Variants in MAP3K20 observed in about 807,000 individuals in gnomAD.
MAP3K20 encodes mitogen-activated protein kinase kinase kinase 20, also known as HCCS-4.
A neutral mutation model predicts 85.7 loss-of-function variants in MAP3K20; 40 were observed. The observed-to-expected ratio is 0.47, with a 90% CI of 0.36 to 0.61. The LOEUF is 0.61. Ranked by LOEUF, MAP3K20 falls within the 20% of genes least tolerant of loss-of-function variation. The probability of loss-of-function intolerance (pLI) is 0.00; values close to 1 mark genes in which losing one functional copy is unlikely to be tolerated. For missense variants in MAP3K20, 817 were observed against 961.7 expected (o/e 0.85, Z 1.99); for synonymous variants, 325 against 327.7 (o/e 0.99, Z 0.09).
intron 2 of MAP3K20, among the ~76,000 whole-genome samples, chr2:173,164,427 A>C (rs1689755226): frequency 1.3e-5 from 2 of 152,036 alleles, no homozygotes. Context: ...AAACTTTTTT[A>C]AGTTCCTTAT....
chr2:173,129,806 T>C (rs900787256), intron 2 of MAP3K20, among the ~76,000 whole-genome samples: 1 of 152,218 alleles, frequency 6.6e-6, no homozygotes, highest in African/African-American at 2.4e-5. Context: ...AATCAGAAAT[T>C]ATAATTGAAG....
intron 3 of MAP3K20, among the ~76,000 whole-genome samples, chr2:173,175,956 A>T (rs1690140440): frequency 6.6e-6 from 1 of 152,174 alleles, no homozygotes. Flanking sequence ...AATCTATTTT[A>T]GTTAATATTT....
intron 11 of MAP3K20, among the ~76,000 whole-genome samples, chr2:173,220,581 C>T (rs1054757324): frequency 2.6e-5 from 4 of 152,130 alleles, no homozygotes; most frequent in Non-Finnish European, 5.9e-5. Flanking sequence ...TAAGTGGAAG[C>T]AAGTGAATTC....
chr2:173,075,720 C>G, upstream of MAP3K20: 1 of 985,270 alleles, frequency 1.0e-6, no homozygotes, highest in Non-Finnish European at 1.2e-6. Context: ...GGATGGTGCC[C>G]CCCGGGCGCA....
At chr2:173,096,617 C>T (rs747619257) in intron 2 of MAP3K20, among the ~76,000 whole-genome samples, 2 of 152,144 alleles carry the variant, frequency 1.3e-5, no homozygotes, top group African/African-American at 2.4e-5. Context: ...GGATTACAGG[C>T]GTGAGCCACT....
chr2:173,265,224 T>C (rs555626342), intron 19 of MAP3K20, among the ~76,000 whole-genome samples: 1 of 152,112 alleles, frequency 6.6e-6, no homozygotes, highest in South Asian at 2.1e-4. Flanking sequence ...GGGGGTGGAG[T>C]AGCTGAGGAA....
intron 2 of MAP3K20, among the ~76,000 whole-genome samples, chr2:173,121,683 G>A (rs1308674608): frequency 2.0e-5 from 3 of 152,068 alleles, no homozygotes; most frequent in Admixed American, 6.5e-5. Context: ...CACCGCGCCC[G>A]GCTGGAGAAC....
At chr2:173,162,710 G>A (rs1169334007) in intron 2 of MAP3K20, among the ~76,000 whole-genome samples, 1 of 151,198 alleles carries the variant, frequency 6.6e-6, no homozygotes, top group East Asian at 1.9e-4. Flanking sequence ...AAAAAAATTG[G>A]TGAGGACCTT....
At chr2:173,226,401 T>TATAA (rs1684389971) in intron 11 of MAP3K20, 7 of 985,466 alleles carry the variant, frequency 7.1e-6, no homozygotes, top group Non-Finnish European at 8.4e-6. Flanking sequence ...ATACCACATA[T>TATAA]ATAACAGAGC....
At chr2:173,155,179 G>A (rs1224182857) in intron 2 of MAP3K20, among the ~76,000 whole-genome samples, 8 of 152,152 alleles carry the variant, frequency 5.3e-5, no homozygotes, top group South Asian at 4.1e-4. Flanking sequence ...AAAGAAAGGC[G>A]TAGGTGTAAG....
At chr2:173,160,690 A>C (rs938013292) in intron 2 of MAP3K20, among the ~76,000 whole-genome samples, 1 of 152,142 alleles carries the variant, frequency 6.6e-6, no homozygotes, top group Admixed American at 6.5e-5. Context: ...CTGTTTTAGG[A>C]GTTTCTAAAT....
intron 1 of MAP3K20, among the ~76,000 whole-genome samples, chr2:173,084,131 C>T (rs1453258414): frequency 6.6e-6 from 1 of 152,100 alleles, no homozygotes; most frequent in Middle Eastern, 3.4e-3. Context: ...CTATGTTGCC[C>T]CAGCTGAGCT....
intron 2 of MAP3K20, 118 bp downstream of exon 2, chr2:173,091,308 C>T (rs1687292267): frequency 2.0e-6 from 2 of 984,508 alleles, no homozygotes; most frequent in African/African-American, 1.6e-5. Context: ...GGGACTGATC[C>T]ACGAGGCCGT....
intron 11 of MAP3K20, chr2:173,223,398 A>ATAT (rs1684304142): frequency 1.1e-6 from 1 of 935,908 alleles, no homozygotes; most frequent in African/African-American, 1.8e-5. Flanking sequence ...AATATATGTA[A>ATAT]AGCACTTTAA....
chr2:173,117,150 A>G (rs1688148264), intron 2 of MAP3K20, among the ~76,000 whole-genome samples: 1 of 152,238 alleles, frequency 6.6e-6, no homozygotes, highest in Non-Finnish European at 1.5e-5. Flanking sequence ...AATAAAAAAG[A>G]ATTGGTATTT....
At position 173,094,474 on chromosome 2, in the gene MAP3K20, C is replaced by A. The variant is rs550460298; in HGVS notation, c.159+3284C>A. ...TCACATTTTGCCAACTTTTGCAATGCGAGCTTTTGATGGCAATTTTTCCAA... is the reference window on the plus strand; with the variant it reads ...TCACATTTTGCCAACTTTTGCAATGAGAGCTTTTGATGGCAATTTTTCCAA... On this transcript the variant is annotated intron_variant, in intron 2 of 19. Coordinates refer to ENST00000375213, the MANE Select transcript of MAP3K20 (RefSeq NM_016653.3). Among the ~76,000 whole-genome samples the A allele has an allele frequency of 6.6e-5, 10 of 152,268 alleles. No individual in the cohort carries two copies. The South Asian group carries it at 1.9e-3, about 28-fold the overall frequency.
intron 5 of MAP3K20, among the ~76,000 whole-genome samples, chr2:173,189,560 G>A (rs1013615695): frequency 6.6e-6 from 1 of 152,072 alleles, no homozygotes; most frequent in Admixed American, 6.5e-5. Flanking sequence ...CTGCTGATTA[G>A]ACACATCCAC....
chr2:173,107,969 T>G (rs529289503), intron 2 of MAP3K20, among the ~76,000 whole-genome samples: 2 of 152,332 alleles, frequency 1.3e-5, no homozygotes, highest in African/African-American at 4.8e-5. Flanking sequence ...TTAAGACTTA[T>G]AGATAACTAG....
rs140684968 is a variant in MAP3K20 at position 173,191,074 on chromosome 2, A to G, written c.479A>G (p.His160Arg). The change falls in exon 7 of 20, where the codon CAT (histidine) becomes CGT (arginine). Residue 160 changes from histidine (H) to arginine (R), a missense_variant. This residue lies in a region of MAP3K20 where 200 missense variants were observed against 302.7 expected (regional missense o/e 0.66). Coordinates refer to ENST00000375213, the MANE Select transcript of MAP3K20 (RefSeq NM_016653.3). ...CDFGASRFHN[H>R]TTHMSLVGTF... ...TTTGGTGCCTCTCGGTTCCATAACC[A>G]TACAACACACATGTCCTTGGTTGGA... 3.7e-6 allele frequency: 6 copies of G among 1,613,994 alleles called. No individual in the cohort carries two copies. The highest frequency in any genetic ancestry group is 5.1e-6 in the Non-Finnish European group (6 of 1,179,966).
Sources: allele counts gnomAD v4.1 joint callset (sites outside exome capture counted in the v4.1 genomes callset), GRCh38; gene constraint gnomAD v4.1.1; regional missense constraint gnomAD v4.1.1; transcripts MANE v1.5; gene names NCBI Gene and HGNC (gene_info 2026-07-23, HGNC 2026-07-21).